The following MCTP2 variants were observed in gnomAD, a reference collection of about 807,000 sequenced individuals.
MCTP2 encodes multiple C2 and transmembrane domain containing 2, also known as multiple C2 and transmembrane domain-containing protein 2.
In MCTP2, 132 loss-of-function variants were observed where a neutral mutation model predicts 111.6. The ratio of observed to expected loss-of-function variants is 1.18; its 90% confidence interval spans 1.03 to 1.37. The LOEUF is 1.37. MCTP2 is among the 40% of genes most tolerant of loss of function. The pLI is 0.00. For missense variants in MCTP2, 1,183 were observed against 1,067.9 expected (o/e 1.11, Z -1.50); for synonymous variants, 395 against 387.7 (o/e 1.02, Z -0.22).
intron 1 of MCTP2, chr15:94,273,968 A>C (rs1219589914): frequency 4.3e-6 from 1 of 230,972 alleles, no homozygotes; most frequent in East Asian, 1.1e-4. Context: ...GAGACAGGCA[A>C]ATATAAGGAA....
chr15:94,307,519 G>C (rs112756893), intron 2 of MCTP2, among the ~76,000 whole-genome samples: 4 of 152,294 alleles, frequency 2.6e-5, no homozygotes, highest in African/African-American at 9.6e-5. Context: ...GGGAGGAGAT[G>C]GCAGAGAAGT....
At chr15:94,371,705 C>T (rs985932969) in intron 12 of MCTP2, among the ~76,000 whole-genome samples, 2 of 151,618 alleles carry the variant, frequency 1.3e-5, no homozygotes, top group African/African-American at 4.8e-5. Context: ...TTTTTTTAAC[C>T]CGCGATGGAG....
intron 1 of MCTP2, among the ~76,000 whole-genome samples, chr15:94,246,543 T>C (rs554525910): frequency 6.6e-6 from 1 of 152,340 alleles, no homozygotes; most frequent in East Asian, 1.9e-4. Context: ...TGCCATATAA[T>C]GTGTCATGTT....
chr15:94,480,078 AC>A lies in MCTP2; in HGVS notation c.*1048del, dbSNP rs940136187. On this transcript the variant is annotated 3_prime_UTR_variant, in exon 23 of 23. Transcript: ENST00000357742. ...CAGAACCCCATTTCTAGAAAATACC[AC>A]CCCAGAGTCCTCATTTGATAGCATC... The A allele has an allele frequency of 6.6e-6, 1 of 152,032 alleles. No individual in the cohort carries two copies. The highest frequency in any genetic ancestry group is 1.5e-5 in the Non-Finnish European group (1 of 67,974). The allele number at this position is 152,032 out of a possible 1,614,324, so 9.4% of individuals were successfully genotyped here.
At chr15:94,380,763 G>A (rs943669396) in intron 12 of MCTP2, among the ~76,000 whole-genome samples, 17 of 148,174 alleles carry the variant, frequency 1.1e-4, no homozygotes, top group African/African-American at 5.0e-5. Context: ...GTGAGACTCC[G>A]TCTCAAAAAA....
chr15:94,434,541 G>C (rs2083361949), intron 17 of MCTP2, among the ~76,000 whole-genome samples: 1 of 151,974 alleles, frequency 6.6e-6, no homozygotes, highest in African/African-American at 2.4e-5. Flanking sequence ...GTTAAATTTT[G>C]TATGTTATGT....
intron 19 of MCTP2, among the ~76,000 whole-genome samples, chr15:94,448,886 C>A (rs1372665009): frequency 6.6e-6 from 1 of 152,120 alleles, no homozygotes; most frequent in Non-Finnish European, 1.5e-5. Flanking sequence ...ACTAAAAATA[C>A]AAAAATTATC....
intron 4 of MCTP2, among the ~76,000 whole-genome samples, chr15:94,317,954 T>A (rs1464665190): frequency 1.3e-5 from 2 of 152,090 alleles, no homozygotes; most frequent in East Asian, 3.9e-4. Context: ...TATAAATGTA[T>A]CTATTTTTAC....
chr15:94,257,524 C>T (rs1254338893), intron 1 of MCTP2, among the ~76,000 whole-genome samples: 4 of 141,244 alleles, frequency 2.8e-5, no homozygotes, highest in Non-Finnish European at 4.6e-5. Flanking sequence ...TGGGCTTTTT[C>T]AGAACTATCA....
At chr15:94,394,049 CAAAAAAAAAAA>C (rs767685107) in intron 14 of MCTP2, among the ~76,000 whole-genome samples, 3 of 61,776 alleles carry the variant, frequency 4.9e-5, no homozygotes, top group Non-Finnish European at 9.5e-5. Flanking sequence ...AACTCCATCT[CAAAAAAAAAAA>C]AAAAAAAAAA....
intron 14 of MCTP2, 151 bp downstream of exon 14, chr15:94,385,676 G>A (rs908269031): frequency 2.1e-5 from 12 of 571,758 alleles, no homozygotes; most frequent in South Asian, 4.7e-5. Flanking sequence ...ATTCTTTTCC[G>A]GTATTTTCAG....
At chr15:94,235,679 G>T (rs565060836) in intron 1 of MCTP2, among the ~76,000 whole-genome samples, 1 of 151,994 alleles carries the variant, frequency 6.6e-6, no homozygotes, top group East Asian at 1.9e-4. Context: ...CCTGGGTAAC[G>T]CAGGGCTATG....
At chr15:94,248,766 G>GT (rs2072198006) in intron 1 of MCTP2, among the ~76,000 whole-genome samples, 3 of 152,156 alleles carry the variant, frequency 2.0e-5, no homozygotes, top group Non-Finnish European at 4.4e-5. Flanking sequence ...CAGACAGTGA[G>GT]GCTTTGCAAA....
chr15:94,265,353 A>G (rs1241999382), intron 1 of MCTP2, among the ~76,000 whole-genome samples: 4 of 152,218 alleles, frequency 2.6e-5, no homozygotes, highest in Non-Finnish European at 5.9e-5. Flanking sequence ...GACTGAGTTC[A>G]GTGTACTTTG....
chr15:94,299,902 C>T (rs2075517906), intron 2 of MCTP2, among the ~76,000 whole-genome samples: 1 of 152,212 alleles, frequency 6.6e-6, no homozygotes. Context: ...GACACCATTA[C>T]CCATAAATGA....
At chr15:94,243,259 A>T (rs553813189) in intron 1 of MCTP2, among the ~76,000 whole-genome samples, 1 of 149,224 alleles carries the variant, frequency 6.7e-6, no homozygotes, top group Non-Finnish European at 1.5e-5. Context: ...GCGTATATAC[A>T]TACATACGTA....
chr15:94,473,136 A>G (rs1005995161), intron 21 of MCTP2, among the ~76,000 whole-genome samples: 2 of 152,036 alleles, frequency 1.3e-5, no homozygotes, highest in African/African-American at 4.8e-5. Context: ...ATATTTTTAT[A>G]TAAGTATCAG....
At chr15:94,299,689 T>TTGAA (rs2075508056) in intron 2 of MCTP2, among the ~76,000 whole-genome samples, 1 of 152,230 alleles carries the variant, frequency 6.6e-6, no homozygotes, top group African/African-American at 2.4e-5. Context: ...GGTTTCCATG[T>TTGAA]TGAAGTAAGG....
intron 1 of MCTP2, among the ~76,000 whole-genome samples, chr15:94,245,277 T>C (rs925758187): frequency 5.8e-4 from 82 of 140,876 alleles, no homozygotes; most frequent in Admixed American, 3.6e-3. Flanking sequence ...TGTATATACG[T>C]ATATACACAT....
Sources: gnomAD v4.1 joint callset for allele counts (sites outside exome capture counted in the v4.1 genomes callset) on GRCh38, gnomAD v4.1.1 for gene constraint, MANE v1.5 for transcripts, NCBI Gene and HGNC (gene_info 2026-07-23, HGNC 2026-07-21) for gene names.